GRM5: variants seen among roughly 807,000 people sequenced by gnomAD.
The protein encoded by GRM5 is glutamate metabotropic receptor 5.
In GRM5, 19 loss-of-function variants were observed where a neutral mutation model predicts 83.1. The ratio of observed to expected loss-of-function variants is 0.23; its 90% CI spans 0.16 to 0.34. The LOEUF (loss-of-function observed/expected upper bound fraction) is 0.34. Ranked by LOEUF, GRM5 falls within the 10% of genes least tolerant of loss-of-function variation. The pLI, the probability that GRM5 is intolerant of heterozygous loss-of-function variation, is 1.00. For synonymous variants in GRM5, 675 were observed against 633.6 expected (o/e 1.07, Z -0.98); for missense variants, 1,160 against 1,588.3 (o/e 0.73, Z 4.58).
intron 2 of GRM5, among the ~76,000 whole-genome samples, chr11:89,026,206 G>A (rs1445915815): frequency 1.3e-5 from 2 of 152,108 alleles, no homozygotes; most frequent in African/African-American, 4.8e-5. Context: ...TCTACTCACT[G>A]GGTACTATGC....
At chr11:88,686,125 CT>C (rs1940616707) in intron 3 of GRM5, among the ~76,000 whole-genome samples, 1 of 152,170 alleles carries the variant, frequency 6.6e-6, no homozygotes, top group Non-Finnish European at 1.5e-5. Flanking sequence ...AGGCTGTACC[CT>C]GCAAAGCAAC....
chr11:88,671,467 ACT>A (rs1365084359), intron 3 of GRM5, among the ~76,000 whole-genome samples: 2 of 151,902 alleles, frequency 1.3e-5, no homozygotes, highest in Admixed American at 6.6e-5. Flanking sequence ...TCTTTTTTCA[ACT>A]CTTACATTCA....
chr11:88,930,861 C>A (rs1190652494), intron 2 of GRM5, among the ~76,000 whole-genome samples: 1 of 151,886 alleles, frequency 6.6e-6, no homozygotes, highest in Non-Finnish European at 1.5e-5. Flanking sequence ...CCTCATATTG[C>A]CAACTCCTTA....
At position 88,637,858 on chromosome 11, in the gene GRM5, A is replaced by G. The variant is rs1011846267; in HGVS notation, c.1147+15310T>C. ...CTGCTATAAAGACACATGCACATGT[A>G]TGTTTATTGCGGCATTATTCACAAT... On this transcript the variant is annotated intron_variant, in intron 4 of 9. Transcript: ENST00000305447. 1.0e-4 allele frequency among the ~76,000 whole-genome samples: 15 copies of G among 149,892 alleles called. 1 individual carries two copies. The South Asian group carries it at 1.3e-3, about 13-fold the overall frequency.
chr11:88,787,879 A>C (rs2135471127), intron 3 of GRM5, among the ~76,000 whole-genome samples: 1 of 152,274 alleles, frequency 6.6e-6, no homozygotes, highest in African/African-American at 2.4e-5. Flanking sequence ...GGATATGTTA[A>C]GTTTGAAAGG....
At chr11:88,731,358 C>G (rs964129773) in intron 3 of GRM5, among the ~76,000 whole-genome samples, 1 of 152,054 alleles carries the variant, frequency 6.6e-6, no homozygotes, top group Admixed American at 6.6e-5. Flanking sequence ...AAAGCGCACT[C>G]CCATTGCCTG....
chr11:88,993,283 A>AAT (rs1940054790), intron 2 of GRM5, among the ~76,000 whole-genome samples: 1 of 149,952 alleles, frequency 6.7e-6, no homozygotes, highest in South Asian at 2.1e-4. Flanking sequence ...AAAAAAAAAA[A>AAT]GACAAGTGTC....
intron 3 of GRM5, among the ~76,000 whole-genome samples, chr11:88,717,960 G>A (rs1004667669): frequency 6.6e-6 from 1 of 151,642 alleles, no homozygotes; most frequent in Non-Finnish European, 1.5e-5. Context: ...ATAATGAGAA[G>A]GTTTTATTTA....
At chr11:88,976,934 G>C (rs1215039874) in intron 2 of GRM5, among the ~76,000 whole-genome samples, 2 of 151,680 alleles carry the variant, frequency 1.3e-5, no homozygotes, top group East Asian at 1.9e-4. Context: ...CTGTTGGAAA[G>C]AGAAAAAATG....
intron 3 of GRM5, among the ~76,000 whole-genome samples, chr11:88,845,213 C>T (rs540297388): frequency 3.3e-5 from 5 of 152,128 alleles, no homozygotes; most frequent in African/African-American, 1.2e-4. Flanking sequence ...ACAGCCACTG[C>T]CACCTTCAGC....
At chr11:88,863,146 C>T (rs533261113) in intron 2 of GRM5, among the ~76,000 whole-genome samples, 8 of 151,996 alleles carry the variant, frequency 5.3e-5, no homozygotes, top group South Asian at 2.1e-4. Context: ...AATGGGAACA[C>T]GTTTACACTC....
intron 5 of GRM5, among the ~76,000 whole-genome samples, chr11:88,602,969 TA>T (rs1317656957): frequency 6.6e-6 from 1 of 152,170 alleles, no homozygotes; most frequent in Non-Finnish European, 1.5e-5. Context: ...TTCATGCCCT[TA>T]GAGGCCAACT....
chr11:88,868,582 A>C (rs1383051735), intron 2 of GRM5, among the ~76,000 whole-genome samples: 1 of 151,682 alleles, frequency 6.6e-6, no homozygotes, highest in African/African-American at 2.4e-5. Flanking sequence ...CTGAATGAAA[A>C]CCATCTATTC....
intron 3 of GRM5, among the ~76,000 whole-genome samples, chr11:88,843,000 C>T (rs1041550060): frequency 3.3e-5 from 5 of 152,120 alleles, no homozygotes; most frequent in Non-Finnish European, 5.9e-5. Flanking sequence ...TAACTTTTAT[C>T]CCACATTACA....
intron 3 of GRM5, among the ~76,000 whole-genome samples, chr11:88,805,443 G>C (rs1943483617): frequency 6.6e-6 from 1 of 152,066 alleles, no homozygotes. Context: ...ACCCGCCTTG[G>C]CCTCCCAAAC....
At chr11:88,791,974 G>A (rs140208446) in intron 3 of GRM5, among the ~76,000 whole-genome samples, 110 of 152,232 alleles carry the variant, frequency 7.2e-4, no homozygotes, top group Middle Eastern at 3.4e-3. Flanking sequence ...GCATTGATCA[G>A]TGTACTACCT....
Position 88,653,045 on chromosome 11 carries a change from T to A in GRM5, c.1147+123A>T. 3 of 638,750 alleles carry A rather than the reference T, an allele frequency of 4.7e-6. No individual in the cohort carries two copies. The East Asian group carries it at 8.2e-5, about 17-fold the overall frequency. 39.6% of individuals were successfully genotyped at this position (638,750 alleles called of 1,614,324 possible). On this transcript the variant is annotated intron_variant, in intron 4 of 9. Coordinates refer to ENST00000305447, the MANE Select transcript of GRM5 (RefSeq NM_001143831.3). ...CTGTTTATCACCATAAGTGGCAATA[T>A]CCACTCTACTTATGTAAGAGTCCTC...
chr11:88,570,610 C>T (rs1356169316), intron 7 of GRM5, among the ~76,000 whole-genome samples: 1 of 114,044 alleles, frequency 8.8e-6, no homozygotes, highest in East Asian at 2.3e-4. Flanking sequence ...GACATAGTCG[C>T]CCTTTGTCAC....
chr11:89,041,399 T>C lies in GRM5; in HGVS notation c.661+5813A>G, dbSNP rs76227581. On this transcript the variant is annotated intron_variant, in intron 2 of 9. Transcript: ENST00000305447. ...TATTTTCAGCAATTGATGACAGCAA[T>C]GGTGCCTAAGAGAGAGGAAGGTGGG... 5.1e-3 allele frequency among the ~76,000 whole-genome samples: 776 copies of C among 152,292 alleles called. 25 individuals carry two copies. The East Asian group carries it at 0.066, about 13-fold the overall frequency.
Sources: gnomAD v4.1 joint callset for allele counts (sites outside exome capture counted in the v4.1 genomes callset) on GRCh38, gnomAD v4.1.1 for gene constraint, MANE v1.5 for transcripts, NCBI Gene and HGNC (gene_info 2026-07-23, HGNC 2026-07-21) for gene names.